ARHGAP6: variants seen among roughly 807,000 people sequenced by gnomAD.
ARHGAP6 encodes the protein rho GTPase-activating protein 6.
In ARHGAP6, 16 loss-of-function variants were observed where a neutral mutation model predicts 55.7. The ratio of observed to expected loss-of-function variants is 0.29; its 90% CI spans 0.19 to 0.44. ARHGAP6 has a LOEUF of 0.44. Ranked by LOEUF, ARHGAP6 falls within the 20% of genes least tolerant of loss-of-function variation. The probability of loss-of-function intolerance (pLI) is 1.00; values close to 1 mark genes in which losing one functional copy is unlikely to be tolerated. For missense variants in ARHGAP6, 698 were observed against 808.9 expected (o/e 0.86, Z 1.66); for synonymous variants, 382 against 360.9 (o/e 1.06, Z -0.66).
At chrX:11,315,191 C>A (rs2147607409) in intron 1 of ARHGAP6, among the ~76,000 whole-genome samples, 1 of 112,369 alleles carries the variant, frequency 8.9e-6, no homozygotes, top group South Asian at 3.8e-4. Flanking sequence ...ACTAGCTGAC[C>A]CCAGCCATTT....
chrX:11,422,208 A>G (rs1240582506), intron 1 of ARHGAP6, among the ~76,000 whole-genome samples: 1 of 111,342 alleles, frequency 9.0e-6, no homozygotes, highest in African/African-American at 3.3e-5. Context: ...GAAACACTTC[A>G]GAGAAAGCAG....
At chrX:11,191,523 T>C (rs1569249119) in intron 3 of ARHGAP6, among the ~76,000 whole-genome samples, 1 of 112,125 alleles carries the variant, frequency 8.9e-6, no homozygotes, top group East Asian at 2.8e-4. Flanking sequence ...TTGTACTAAA[T>C]TTATTCAAGC....
intron 1 of ARHGAP6, among the ~76,000 whole-genome samples, chrX:11,329,509 T>C (rs1157432189): frequency 1.8e-5 from 2 of 112,471 alleles, no homozygotes; most frequent in Non-Finnish European, 3.8e-5. Flanking sequence ...AGACACTACC[T>C]TTATTTCTGT....
At chrX:11,660,242 C>G (rs779654508) in intron 1 of ARHGAP6, among the ~76,000 whole-genome samples, 1 of 110,789 alleles carries the variant, frequency 9.0e-6, no homozygotes, top group Non-Finnish European at 1.9e-5. Context: ...ACCAGTCTCT[C>G]ATTTTTGTTC....
At chrX:11,346,970 A>G (rs981717916) in intron 1 of ARHGAP6, among the ~76,000 whole-genome samples, 1 of 111,666 alleles carries the variant, frequency 9.0e-6, no homozygotes, top group African/African-American at 3.3e-5. Flanking sequence ...AGTGTGCTCT[A>G]CAAAGGAAAC....
chrX:11,371,467 AAAC>A (rs1248139803), intron 1 of ARHGAP6, among the ~76,000 whole-genome samples: 2 of 112,132 alleles, frequency 1.8e-5, no homozygotes, highest in Non-Finnish European at 3.8e-5. Flanking sequence ...ACTTTACCAA[AAAC>A]AACAACAACA....
chrX:11,488,228 A>T (rs1054352883), intron 1 of ARHGAP6, among the ~76,000 whole-genome samples: 1 of 111,720 alleles, frequency 9.0e-6, no homozygotes, highest in African/African-American at 3.3e-5. Context: ...AACTTGTTAG[A>T]GCATAGGGAC....
chrX:11,409,630 T>C (rs970225577), intron 1 of ARHGAP6, among the ~76,000 whole-genome samples: 1 of 112,615 alleles, frequency 8.9e-6, no homozygotes, highest in Non-Finnish European at 1.9e-5. Flanking sequence ...CAGACTGCAG[T>C]GGACTATTTT....
intron 1 of ARHGAP6, among the ~76,000 whole-genome samples, chrX:11,387,017 C>T (rs2049337021): frequency 8.9e-6 from 1 of 112,004 alleles, no homozygotes; most frequent in Non-Finnish European, 1.9e-5. Flanking sequence ...GCAGTTTCCA[C>T]GCCAAGTCCA....
intron 1 of ARHGAP6, among the ~76,000 whole-genome samples, chrX:11,342,683 G>C (rs897558849): frequency 3.6e-5 from 4 of 112,097 alleles, no homozygotes; most frequent in Non-Finnish European, 7.5e-5. Context: ...TTGAGGTTTA[G>C]ATTTTTATGC....
chrX:11,512,558 T>G (rs1277723975), intron 1 of ARHGAP6, among the ~76,000 whole-genome samples: 2 of 111,550 alleles, frequency 1.8e-5, no homozygotes, highest in Non-Finnish European at 3.8e-5. Flanking sequence ...GTTGCTTTAG[T>G]TAACATCTGG....
At chrX:11,211,253 C>CA (rs370583664) in intron 2 of ARHGAP6, among the ~76,000 whole-genome samples, 4 of 86,749 alleles carry the variant, frequency 4.6e-5, no homozygotes, top group Non-Finnish European at 8.7e-5. Flanking sequence ...GATGGAGTTT[C>CA]CTCTGTCGCC....
chrX:11,144,331 G>A lies in ARHGAP6; in HGVS notation c.1908-83C>T, dbSNP rs774033291. ...TAAACAATATGGCTATTACACAAATGACTGGAGGAGTATGCGTGGACACGG... is the reference window on the plus strand; with the variant it reads ...TAAACAATATGGCTATTACACAAATAACTGGAGGAGTATGCGTGGACACGG... On this transcript the variant is annotated intron_variant, in intron 10 of 12. Transcript: ENST00000337414. 9.6e-6 allele frequency: 11 copies of A among 1,151,421 alleles called. No individual in the cohort carries two copies. In the South Asian group the frequency reaches 2.1e-4, roughly 22 times the overall value. 94.9% of individuals were successfully genotyped at this position (1,151,421 alleles called of 1,213,427 possible).
chrX:11,422,464 G>A (rs1427544941), intron 1 of ARHGAP6, among the ~76,000 whole-genome samples: 1 of 111,636 alleles, frequency 9.0e-6, no homozygotes, highest in Non-Finnish European at 1.9e-5. Context: ...CATGGATGAA[G>A]CTATTATTCT....
chrX:11,368,466 A>T (rs2049108938), intron 1 of ARHGAP6, among the ~76,000 whole-genome samples: 1 of 111,992 alleles, frequency 8.9e-6, no homozygotes, highest in Non-Finnish European at 1.9e-5. Context: ...CCCGTGACAT[A>T]TTAGGGAGGG....
chrX:11,428,489 C>G (rs1227967054), intron 1 of ARHGAP6, among the ~76,000 whole-genome samples: 1 of 112,355 alleles, frequency 8.9e-6, no homozygotes, highest in Non-Finnish European at 1.9e-5. Flanking sequence ...CAGCCTTGTC[C>G]TTCTGTAATT....
At chrX:11,504,051 T>G (rs1316050486) in intron 1 of ARHGAP6, among the ~76,000 whole-genome samples, 1 of 106,921 alleles carries the variant, frequency 9.4e-6, no homozygotes, top group Non-Finnish European at 1.9e-5. Context: ...TGTATCAATT[T>G]TTTTTGGGGG....
At chrX:11,410,838 G>A (rs1427830143) in intron 1 of ARHGAP6, among the ~76,000 whole-genome samples, 2 of 110,152 alleles carry the variant, frequency 1.8e-5, no homozygotes, top group African/African-American at 3.3e-5. Flanking sequence ...CAGAACCATA[G>A]TGTCTGGATG....
intron 1 of ARHGAP6, among the ~76,000 whole-genome samples, chrX:11,590,675 C>A (rs767363968): frequency 1.2e-4 from 12 of 104,315 alleles, no homozygotes; most frequent in Admixed American, 1.1e-3. Context: ...GTCCCAGCCA[C>A]TTGGAAGACT....
Sources: gnomAD v4.1 joint callset for allele counts (sites outside exome capture counted in the v4.1 genomes callset) on GRCh38, gnomAD v4.1.1 for gene constraint, MANE v1.5 for transcripts, NCBI Gene and HGNC (gene_info 2026-07-23, HGNC 2026-07-21) for gene names.